STAT3: variants seen among roughly 807,000 people sequenced by gnomAD.
The protein encoded by STAT3 is DNA-binding protein APRF.
Under a neutral mutation model 114.3 loss-of-function variants are expected in STAT3, and 7 were observed. The ratio of observed to expected loss-of-function variants is 0.06; its 90% CI spans 0.03 to 0.11. The LOEUF is 0.11. Ranked by LOEUF, STAT3 falls within the 10% of genes least tolerant of loss-of-function variation. The probability of loss-of-function intolerance (pLI) is 1.00; values close to 1 mark genes in which losing one functional copy is unlikely to be tolerated. For synonymous variants in STAT3, 331 were observed against 354.5 expected (o/e 0.93, Z 0.74); for missense variants, 364 against 960.9 (o/e 0.38, Z 8.21).
In STAT3 at chr17:42,388,264, CT is replaced by C. The variant is rs1407021240; in HGVS notation, c.-24+14del. On this transcript the variant is annotated intron_variant, in intron 1 of 23. Coordinates refer to ENST00000264657, the MANE Select transcript of STAT3 (RefSeq NM_139276.3). ...CCCAGGCCTCCCCAACGGCCCCACCCTGCACCCCCTTCACCTGTTTCTCCGG... is the reference window on the plus strand; with the variant it reads ...CCCAGGCCTCCCCAACGGCCCCACCCGCACCCCCTTCACCTGTTTCTCCGG... The C allele has an allele frequency of 1.6e-6, 2 of 1,231,876 alleles. No individual in the cohort carries two copies. The highest frequency in any genetic ancestry group is 3.1e-5 in the African/African-American group (2 of 64,422). 76.3% of individuals were successfully genotyped at this position (1,231,876 alleles called of 1,614,324 possible). A position where few individuals can be genotyped will look rare whatever the true frequency, so the allele number is the denominator to read the frequency against.
rs1452139691 is a variant in STAT3 at position 42,345,636 on chromosome 17, T to C, written c.295A>G (p.Met99Val). ...FLQSRYLEKPMEIARIVARCL... is the reference protein window; with the variant it reads ...FLQSRYLEKPVEIARIVARCL... ...CGGGCCACAATCCGGGCAATCTCCATTGGCTTCTCAAGATACCTGCTCTAT... is the reference window on the plus strand; with the variant it reads ...CGGGCCACAATCCGGGCAATCTCCACTGGCTTCTCAAGATACCTGCTCTAT... Residue 99 changes from methionine (M) to valine (V), a missense_variant, in exon 4 of 24, where the codon ATG becomes GTG. Coordinates refer to ENST00000264657, the MANE Select transcript of STAT3 (RefSeq NM_139276.3). 9 of 1,606,244 alleles carry C rather than the reference T, an allele frequency of 5.6e-6. No individual in the cohort carries two copies. The highest frequency in any genetic ancestry group is 3.3e-5 in the South Asian group (3 of 89,842).
Position 42,324,178 on chromosome 17 carries a change from G to A in STAT3, c.1600+533C>T, listed in dbSNP as rs868868462. ...TACTAAAAATACAAAAATTAGCTGG[G>A]CGTGGTGGTGAGCACCTGTAGTCTC... On this transcript the variant is annotated intron_variant, in intron 17 of 23. Transcript: ENST00000264657. This position sits in a 1 kb window ranked among gnomAD's most constrained non-coding sequence, Gnocchi z 4.5. Among the ~76,000 whole-genome samples, 10 of 152,156 alleles carry A rather than the reference G, an allele frequency of 6.6e-5. No homozygotes were observed. Among genetic ancestry groups the A allele is most frequent in the African/African-American group, 1.7e-4 (7 of 41,504 alleles).
rs576756856 is a variant in STAT3 at position 42,371,710 on chromosome 17, G to A, written c.-24+16569C>T. On this transcript the variant is annotated intron_variant, in intron 1 of 23. Transcript: ENST00000264657. ...AAAAAAAAAAATTGAGGCCAGGTGCGGTGGCTCATGCCTGTAATCCTAACA... is the reference window on the plus strand; with the variant it reads ...AAAAAAAAAAATTGAGGCCAGGTGCAGTGGCTCATGCCTGTAATCCTAACA... Among the ~76,000 whole-genome samples, 560 of 149,222 alleles carry A rather than the reference G, an allele frequency of 3.8e-3. 1 individual carries two copies. Among genetic ancestry groups the A allele is most frequent in the Non-Finnish European group, 6.4e-3 (432 of 67,542 alleles).
intron 1 of STAT3, among the ~76,000 whole-genome samples, chr17:42,376,801 G>T (rs527254412): frequency 6.6e-6 from 1 of 150,816 alleles, no homozygotes; most frequent in African/African-American, 2.4e-5. Context: ...GGCCCAGATC[G>T]CACCACTGCA....
rs2144695104 is a variant in STAT3, at chr17:42,323,158, G to A, written c.1749-15C>T. ...CCATGATGTACCTGGAGCCAAGGAG[G>A]AGGAACAATGTTGTTATTGCTAACA... On this transcript the variant is annotated splice_polypyrimidine_tract_variant and intron_variant, in intron 19 of 23. Transcript: ENST00000264657. The A allele has an allele frequency of 6.2e-7, 1 of 1,614,216 alleles. No individual in the cohort carries two copies. The highest frequency in any genetic ancestry group is 8.5e-7 in the Non-Finnish European group (1 of 1,180,028).
chr17:42,382,521 G>C (rs565020337), intron 1 of STAT3, among the ~76,000 whole-genome samples: 20 of 152,084 alleles, frequency 1.3e-4, no homozygotes, highest in African/African-American at 3.9e-4. Context: ...CACACACCTC[G>C]GTCCCTGCAA....
At chr17:42,363,594 C>T (rs1339838212) in intron 1 of STAT3, among the ~76,000 whole-genome samples, 2 of 152,088 alleles carry the variant, frequency 1.3e-5, no homozygotes, top group East Asian at 3.9e-4. Context: ...CAGGCACATG[C>T]CACCATGTCT....
intron 4 of STAT3, 154 bp downstream of exon 4, chr17:42,345,405 T>C (rs2082652193): frequency 9.7e-6 from 7 of 719,836 alleles, no homozygotes; most frequent in South Asian, 7.6e-5. Context: ...GGAACTTTCT[T>C]TTTTTTTAGA....
At chr17:42,364,408 G>C (rs1022583795) in intron 1 of STAT3, among the ~76,000 whole-genome samples, 1 of 152,144 alleles carries the variant, frequency 6.6e-6, no homozygotes, top group Non-Finnish European at 1.5e-5. Flanking sequence ...TTCCAGGCTC[G>C]AGGGCCACTG....
In STAT3 at chr17:42,324,875, A is replaced by G; in HGVS notation, c.1465-29T>C. ...TTGGAAAGAACACATTTGCTTGTTT[A>G]GATGAGGGATGGTGCTCATTGTCTA... On this transcript the variant is annotated intron_variant, in intron 16 of 23. Coordinates refer to ENST00000264657, the MANE Select transcript of STAT3 (RefSeq NM_139276.3). This position sits in a 1 kb window ranked among gnomAD's most constrained non-coding sequence, Gnocchi z 4.5. 3.7e-6 allele frequency: 6 copies of G among 1,614,234 alleles called. No homozygotes were observed. Among genetic ancestry groups the G allele is most frequent in the Non-Finnish European group, 5.1e-6 (6 of 1,180,052 alleles).
chr17:42,322,238 C>G, intron 21 of STAT3, 44 bp downstream of exon 21: 2 of 1,612,044 alleles, frequency 1.2e-6, no homozygotes, highest in Non-Finnish European at 1.7e-6. Flanking sequence ...AAATTTCCAA[C>G]TTTTCCCAAA....
intron 15 of STAT3, among the ~76,000 whole-genome samples, chr17:42,325,610 G>C (rs913177597): frequency 2.6e-5 from 4 of 151,556 alleles, no homozygotes; most frequent in African/African-American, 9.7e-5. Flanking sequence ...TGTCACCCAG[G>C]CTGGAGTGCA....
At chr17:42,368,705 C>T (rs1316792960) in intron 1 of STAT3, among the ~76,000 whole-genome samples, 1 of 151,412 alleles carries the variant, frequency 6.6e-6, no homozygotes, top group Non-Finnish European at 1.5e-5. Context: ...AGTGCTCTGC[C>T]TGCCTCAGCC....
rs2081600066 is a variant in STAT3 at position 42,324,136 on chromosome 17, T to C, written c.1601-511A>G. 6.6e-6 allele frequency among the ~76,000 whole-genome samples: 1 copy of C among 151,976 alleles called. No homozygotes were observed. The highest frequency in any genetic ancestry group is 1.5e-5 in the Non-Finnish European group (1 of 67,992). On this transcript the variant is annotated intron_variant, in intron 17 of 23. Transcript: ENST00000264657. The surrounding 1 kb of genome is among the most constrained non-coding windows in gnomAD (Gnocchi z 4.5). ...GAGACGGAGACTATCCTGGCCAACA[T>C]GGTAAAACCCCGTCTCTACTAAAAA...
chr17:42,343,166 T>C (rs2082522644), intron 4 of STAT3, among the ~76,000 whole-genome samples: 1 of 136,446 alleles, frequency 7.3e-6, no homozygotes, highest in African/African-American at 2.8e-5. Flanking sequence ...AGTGAGACTG[T>C]CTCAAAAAAA....
intron 1 of STAT3, among the ~76,000 whole-genome samples, chr17:42,371,869 G>A (rs1277205453): frequency 6.6e-6 from 1 of 151,642 alleles, no homozygotes; most frequent in African/African-American, 2.4e-5. Context: ...TGTAATCCCA[G>A]CTACTTGGGA....
chr17:42,315,835 T>A, intron 23 of STAT3, 35 bp from the exon 24 acceptor site: 1 of 1,613,796 alleles, frequency 6.2e-7, no homozygotes, highest in Non-Finnish European at 8.5e-7. Flanking sequence ...AGTTCAGTTG[T>A]CCACCCTCTG....
At chr17:42,322,880 T>G in intron 20 of STAT3, 124 bp downstream of exon 20, 1 of 1,388,786 alleles carries the variant, frequency 7.2e-7, no homozygotes, top group East Asian at 2.3e-5. Flanking sequence ...GTTTTGCGAG[T>G]CTGAGTGAAA....
chr17:42,370,511 G>A (rs1015937690), intron 1 of STAT3, among the ~76,000 whole-genome samples: 3 of 150,976 alleles, frequency 2.0e-5, no homozygotes, highest in South Asian at 2.1e-4. Context: ...TGATCTGCCC[G>A]CCTCGGCCTC....
Sources: gnomAD v4.1 joint callset for allele counts (sites outside exome capture counted in the v4.1 genomes callset) on GRCh38, gnomAD v4.1.1 for gene constraint, Gnocchi (gnomAD v3.1) non-coding constraint, MANE v1.5 for transcripts, NCBI Gene and HGNC (gene_info 2026-07-23, HGNC 2026-07-21) for gene names.